TM6SF1: variants seen among roughly 807,000 people sequenced by gnomAD.
TM6SF1 encodes transmembrane 6 superfamily member 1.
Under a neutral mutation model 47.1 loss-of-function variants are expected in TM6SF1, and 43 were observed. The observed-to-expected ratio is 0.91, with a 90% CI of 0.72 to 1.18. The LOEUF (loss-of-function observed/expected upper bound fraction) is 1.18, where lower values mean the gene tolerates loss of function less well. TM6SF1 is among the 50% of genes most tolerant of loss of function. TM6SF1 has a pLI of 0.00. For missense variants in TM6SF1, 390 were observed against 449.0 expected (o/e 0.87, Z 1.19); for synonymous variants, 177 against 166.3 (o/e 1.06, Z -0.49).
At chr15:83,126,064 C>G (rs552704394) in intron 7 of TM6SF1, among the ~76,000 whole-genome samples, 1 of 152,128 alleles carries the variant, frequency 6.6e-6, no homozygotes, top group African/African-American at 2.4e-5. Context: ...TCCCTGTGCA[C>G]GAGAAAAATG....
intron 7 of TM6SF1, among the ~76,000 whole-genome samples, chr15:83,125,206 C>T (rs78946589): frequency 0.013 from 1,906 of 152,242 alleles, 18 homozygotes; most frequent in Non-Finnish European, 0.019. Context: ...CAACAATTCA[C>T]GTGTATGTAG....
chr15:83,132,770 C>T (rs891300977), intron 9 of TM6SF1: 2 of 151,996 alleles, frequency 1.3e-5, no homozygotes, highest in Non-Finnish European at 2.9e-5. Flanking sequence ...AGGAAGAACA[C>T]GGATAGTTGG....
rs189282517 is a variant in TM6SF1 at position 83,120,076 on chromosome 15, G to A, written c.398+395G>A. ...CAGGCACAGCTCTGCGGCTTGGCTC[G>A]CACTAAGGCTTGGCTACATGGCTTG... On this transcript the variant is annotated intron_variant, in intron 4 of 9. Coordinates refer to ENST00000322019, the MANE Select transcript of TM6SF1 (RefSeq NM_023003.5). 3.5e-5 allele frequency: 7 copies of A among 197,190 alleles called. No individual in the cohort carries two copies. In the East Asian group the frequency reaches 8.6e-4, roughly 24 times the overall value. 12.2% of individuals were successfully genotyped at this position (197,190 alleles called of 1,614,324 possible).
intron 2 of TM6SF1, chr15:83,113,171 A>G (rs926825124): frequency 2.0e-5 from 10 of 508,332 alleles, no homozygotes; most frequent in Non-Finnish European, 2.9e-5. Context: ...TTGACCTCTG[A>G]CCTCTGACCT....
intron 8 of TM6SF1, among the ~76,000 whole-genome samples, 191 bp from the exon 9 acceptor site, chr15:83,127,167 C>G (rs2035841768): frequency 6.6e-6 from 1 of 150,618 alleles, no homozygotes; most frequent in Admixed American, 6.6e-5. Flanking sequence ...GCACTCCAGC[C>G]TGAGTGACAG....
rs1298508484 is a variant in TM6SF1, at chr15:83,136,651, G to A, written c.1092G>A (p.Lys364=). The change falls in exon 10 of 10, where the codon AAG becomes AAA. Residue 364 remains lysine (K), a synonymous_variant. Coordinates refer to ENST00000322019, the MANE Select transcript of TM6SF1 (RefSeq NM_023003.5). ...IYKPEFFIKT[K]AEEKVE is the part of the protein sequence containing the mutation. ...AACCAGAGTTCTTCATAAAAACAAA[G>A]GCAGAAGAAAAAGTGGAATAAAAAT... The A allele has an allele frequency of 1.3e-6, 2 of 1,590,204 alleles. No homozygotes were observed. The highest frequency in any genetic ancestry group is 1.7e-6 in the Non-Finnish European group (2 of 1,174,004).
In TM6SF1 at chr15:83,113,239, C is replaced by T. The variant is rs551490847; in HGVS notation, c.196+339C>T. On this transcript the variant is annotated intron_variant, in intron 2 of 9. Coordinates refer to ENST00000322019, the MANE Select transcript of TM6SF1 (RefSeq NM_023003.5). ...TGTCTTCAGCCTGCTACTAGCAGTC[C>T]CCCCCACTTAGTGCAGAACTTAACT... 7 of 384,972 alleles carry T rather than the reference C, an allele frequency of 1.8e-5. No homozygotes were observed. The East Asian group carries it at 3.3e-4, about 18-fold the overall frequency. The allele number at this position is 384,972 out of a possible 1,614,324, so 23.8% of individuals were successfully genotyped here.
rs2034325423 is a variant in TM6SF1, at chr15:83,112,968, T to C, written c.196+68T>C. On this transcript the variant is annotated intron_variant, in intron 2 of 9. Transcript: ENST00000322019. ...CACAATACTTTCAGCCTCAGTCACA[T>C]ATTCCTCCTTGGTTGTGAATACTCT... 5.4e-6 allele frequency: 7 copies of C among 1,291,840 alleles called. No individual in the cohort carries two copies. The South Asian group carries it at 8.3e-5, about 15-fold the overall frequency. 80.0% of individuals were successfully genotyped at this position (1,291,840 alleles called of 1,614,324 possible).
At chr15:83,121,190 C>T (rs1472833902) in intron 4 of TM6SF1, among the ~76,000 whole-genome samples, 1 of 152,080 alleles carries the variant, frequency 6.6e-6, no homozygotes, top group African/African-American at 2.4e-5. Context: ...CCTGCCTCAG[C>T]CTCCCAAGTA....
At position 83,115,928 on chromosome 15, in the gene TM6SF1, C is replaced by T; in HGVS notation, c.280C>T (p.His94Tyr). ...QDGIIDGFMTHYLREGEPYLN... is the reference protein window; with the variant it reads ...QDGIIDGFMTYYLREGEPYLN... ...TGGAATCATTGACGGGTTCATGACA[C>T]ACTACTTGAGAGAGGTATGGGATCA... The change falls in exon 3 of 10, where the codon CAC (histidine) becomes TAC (tyrosine). Residue 94 changes from histidine (H) to tyrosine (Y), a missense_variant. His to Tyr is a moderately conservative substitution (Grantham distance 83, BLOSUM62 2). Coordinates refer to ENST00000322019, the MANE Select transcript of TM6SF1 (RefSeq NM_023003.5). 1 of 1,613,676 alleles carries T rather than the reference C, an allele frequency of 6.2e-7. No individual in the cohort carries two copies. The highest frequency in any genetic ancestry group is 1.3e-5 in the African/African-American group (1 of 75,030).
chr15:83,114,403 T>C (rs977859648), intron 2 of TM6SF1: 3 of 152,278 alleles, frequency 2.0e-5, no homozygotes, highest in Admixed American at 6.5e-5. Context: ...TCAGCAATCA[T>C]TGGCAGATTA....
At chr15:83,110,181 G>T (rs757150941) in intron 1 of TM6SF1, among the ~76,000 whole-genome samples, 2 of 152,158 alleles carry the variant, frequency 1.3e-5, no homozygotes, top group Non-Finnish European at 2.9e-5. Flanking sequence ...GATTGAGCGT[G>T]TTCTGTCTCC....
chr15:83,116,158 C>T (rs147660106), intron 3 of TM6SF1, among the ~76,000 whole-genome samples: 17 of 152,206 alleles, frequency 1.1e-4, no homozygotes, highest in African/African-American at 3.9e-4. Flanking sequence ...TCAGCTCTCA[C>T]GGCTTCTCTC....
intron 6 of TM6SF1, among the ~76,000 whole-genome samples, chr15:83,123,666 TG>T (rs2035470535): frequency 1.3e-5 from 2 of 152,180 alleles, no homozygotes; most frequent in Non-Finnish European, 2.9e-5. Context: ...AAACTCAGGC[TG>T]GCACACTGAC....
chr15:83,120,492 A>G (rs753673137), intron 4 of TM6SF1, among the ~76,000 whole-genome samples: 5 of 152,056 alleles, frequency 3.3e-5, no homozygotes, highest in Non-Finnish European at 5.9e-5. Context: ...GGTTACAGAA[A>G]GTCATGCATT....
intron 1 of TM6SF1, among the ~76,000 whole-genome samples, chr15:83,111,126 C>T (rs1390696949): frequency 6.6e-6 from 1 of 152,220 alleles, no homozygotes; most frequent in Non-Finnish European, 1.5e-5. Context: ...CCCGCCTCGA[C>T]CTCCCAAAGT....
intron 1 of TM6SF1, among the ~76,000 whole-genome samples, chr15:83,112,077 G>A (rs1052654662): frequency 3.9e-5 from 6 of 152,106 alleles, no homozygotes; most frequent in East Asian, 1.9e-4. Context: ...ACTGAGTAGC[G>A]GCTTTGGCCC....
rs1346394740 is a variant in TM6SF1, at chr15:83,124,796, A to G, written c.708+20A>G. On this transcript the variant is annotated intron_variant, in intron 7 of 9. Transcript: ENST00000322019. ...GGTTTGGTAAGCATAACAGATCATA[A>G]TAACGTAACATTGTGATACTACTCA... 6.4e-7 allele frequency: 1 copy of G among 1,565,556 alleles called. No individual in the cohort carries two copies. The highest frequency in any genetic ancestry group is 1.4e-5 in the African/African-American group (1 of 73,874).
chr15:83,114,683 C>G (rs938915985), intron 2 of TM6SF1: 4 of 152,398 alleles, frequency 2.6e-5, no homozygotes, highest in Non-Finnish European at 5.9e-5. Context: ...CTCTCCATTT[C>G]TTTTTTCACA....
Sources: gnomAD v4.1 joint callset for allele counts (sites outside exome capture counted in the v4.1 genomes callset) on GRCh38, gnomAD v4.1.1 for gene constraint, MANE v1.5 for transcripts, NCBI Gene and HGNC (gene_info 2026-07-23, HGNC 2026-07-21) for gene names.